The following SPACA3 variants were observed in gnomAD, a reference collection of about 807,000 sequenced individuals.
The protein encoded by SPACA3 is sperm acrosome membrane-associated protein 3.
In SPACA3, 21 loss-of-function variants were observed where a neutral mutation model predicts 24.5. That is an observed-to-expected ratio of 0.86 (90% CI 0.61 to 1.24). The LOEUF is 1.24. SPACA3 is among the 50% of genes most tolerant of loss of function. The pLI is 0.00. For missense variants in SPACA3, 278 were observed against 275.5 expected (o/e 1.01, Z -0.06); for synonymous variants, 115 against 106.9 (o/e 1.08, Z -0.47).
chr17:32,992,018 G>T, intron 1 of SPACA3, 46 bp downstream of exon 1: 1 of 1,605,882 alleles, frequency 6.2e-7, no homozygotes, highest in Non-Finnish European at 8.5e-7. Flanking sequence ...CAGGGGCGCT[G>T]GGTTGGTCTG....
rs1037975229 is a variant in SPACA3, at chr17:32,992,686, C to T, written c.34+714C>T. Among the ~76,000 whole-genome samples the T allele has an allele frequency of 2.0e-5, 3 of 152,124 alleles. No homozygotes were observed. The East Asian group carries it at 5.8e-4, about 29-fold the overall frequency. The stretch of plus-strand genomic sequence containing the variant: ...ACTGGGGAACACACCTCTGATAAGA[C>T]CCTTCAAGTATGAGTCAGAGTTAAC... On this transcript the variant is annotated intron_variant, in intron 1 of 4. Transcript: ENST00000269053.
intron 1 of SPACA3, among the ~76,000 whole-genome samples, chr17:32,994,245 T>G (rs1377819207): frequency 1.3e-5 from 2 of 152,178 alleles, no homozygotes; most frequent in Non-Finnish European, 1.5e-5. Flanking sequence ...AACTCACTTA[T>G]TTTTAGTGCC....
At position 32,995,529 on chromosome 17, in the gene SPACA3, G is replaced by T. The variant is rs2151128418; in HGVS notation, c.155G>T (p.Gly52Val). 1 of 1,614,230 alleles carries T rather than the reference G, an allele frequency of 6.2e-7. No homozygotes were observed. Among genetic ancestry groups the T allele is most frequent in the Non-Finnish European group, 8.5e-7 (1 of 1,180,032 alleles). The change falls in exon 2 of 5, where the codon GGC becomes GTC. Residue 52 changes from glycine (G) to valine (V), a missense_variant. Physicochemically the swap from Gly to Val is moderately radical, Grantham distance 109. Coordinates refer to ENST00000269053, the MANE Select transcript of SPACA3 (RefSeq NM_173847.5). ...GGTGGTGGCTCCACCTCTGCCGCCGGCATAGAAGCCAGGAGCAGGGCTCTC... is the reference window on the plus strand; with the variant it reads ...GGTGGTGGCTCCACCTCTGCCGCCGTCATAGAAGCCAGGAGCAGGGCTCTC... ...QSGGGSTSAA[G>V]IEARSRALRR...
In SPACA3 at chr17:32,997,370, T is replaced by C. The variant is rs878939137; in HGVS notation, c.503-75T>C. On this transcript the variant is annotated intron_variant, in intron 3 of 4. Transcript: ENST00000269053. ...AGAGAGAGAGAGAGAGACAGACAGATACACACTCACACACACACACACACA... is the reference window on the plus strand; with the variant it reads ...AGAGAGAGAGAGAGAGACAGACAGACACACACTCACACACACACACACACA... 2.1e-3 allele frequency: 2,182 copies of C among 1,052,154 alleles called. 8 individuals are homozygous for C. Among genetic ancestry groups the C allele is most frequent in the Middle Eastern group, 9.0e-3 (43 of 4,762 alleles). 65.2% of individuals were successfully genotyped at this position (1,052,154 alleles called of 1,614,324 possible).
chr17:32,996,874 C>T lies in SPACA3; in HGVS notation c.375C>T (p.Phe125=). The T allele has an allele frequency of 6.2e-7, 1 of 1,607,106 alleles. No individual in the cohort carries two copies. Among genetic ancestry groups the T allele is most frequent in the Non-Finnish European group, 8.5e-7 (1 of 1,176,588 alleles). Residue 125 remains phenylalanine (F), a synonymous_variant, in exon 3 of 5, where the codon TTC becomes TTT. Transcript: ENST00000269053. ...GCCTTGCTTATTTCACAAGCGGTTT[C>T]AACGCAGCTGCTTTGGACTACGAGG... ...WVCLAYFTSG[F]NAAALDYEAD... is the part of the protein sequence containing the mutation.
Position 32,995,711 on chromosome 17 carries a change from G to T in SPACA3, c.337G>T (p.Ala113Ser), listed in dbSNP as rs919105235. 1 of 1,611,550 alleles carries T rather than the reference G, an allele frequency of 6.2e-7. No homozygotes were observed. Among genetic ancestry groups the T allele is most frequent in the African/African-American group, 1.3e-5 (1 of 74,990 alleles). Reference sequence around the variant, plus strand: ...GGACGGATACCGGGGATACAGCCTGGCTGACTGTGAGAACCCCTCTCCCTG... The same window carrying T: ...GGACGGATACCGGGGATACAGCCTGTCTGACTGTGAGAACCCCTCTCCCTG... The part of the protein sequence containing the change: ...GLDGYRGYSL[A>S]DWVCLAYFTS... Residue 113 changes from alanine to serine, a missense_variant, in exon 2 of 5, where the codon GCT (alanine) becomes TCT (serine). Coordinates refer to ENST00000269053, the MANE Select transcript of SPACA3 (RefSeq NM_173847.5).
chr17:32,992,062 G>T (rs2091692986), intron 1 of SPACA3, 90 bp downstream of exon 1: 2 of 1,447,284 alleles, frequency 1.4e-6, no homozygotes, highest in Admixed American at 1.9e-5. Context: ...CAAGGTGGTG[G>T]TTAGGGTGGG....
intron 1 of SPACA3, chr17:32,993,000 A>C (rs774015124): frequency 4.3e-6 from 2 of 469,618 alleles, no homozygotes; most frequent in South Asian, 3.1e-5. Flanking sequence ...GGAAGCCAGG[A>C]TGGAGGTGTG....
At position 32,995,624 on chromosome 17, in the gene SPACA3, T is replaced by A. The variant is rs763518885; in HGVS notation, c.250T>A (p.Ser84Thr). The A allele has an allele frequency of 1.2e-6, 2 of 1,614,156 alleles. No individual in the cohort carries two copies. Among genetic ancestry groups the A allele is most frequent in the Admixed American group, 3.3e-5 (2 of 60,030 alleles). Residue 84 changes from serine to threonine, a missense_variant, in exon 2 of 5, where the codon TCC becomes ACC. By Grantham distance (58) the Ser-to-Thr change is moderately conservative. Coordinates refer to ENST00000269053, the MANE Select transcript of SPACA3 (RefSeq NM_173847.5). ...CTGTCTGCTCAGCTGCCTGCTACCCTCCAGTGAGGCCAAGCTCTACGGTCG... is the reference window on the plus strand; with the variant it reads ...CTGTCTGCTCAGCTGCCTGCTACCCACCAGTGAGGCCAAGCTCTACGGTCG... ...LVCLLSCLLP[S>T]SEAKLYGRCE...
In SPACA3 at chr17:32,996,796, G is replaced by A. The variant is rs200741536; in HGVS notation, c.344-47G>A. 8.9e-4 allele frequency: 1,294 copies of A among 1,458,066 alleles called. 1 individual carries two copies. Among genetic ancestry groups the A allele is most frequent in the Non-Finnish European group, 1.0e-3 (1,111 of 1,099,460 alleles). The allele number at this position is 1,458,066 out of a possible 1,614,324, so 90.3% of individuals were successfully genotyped here. On this transcript the variant is annotated intron_variant, in intron 2 of 4. Transcript: ENST00000269053. ...TGTGCAGTGAGCACCCTGGTCTGGG[G>A]TGGCTGTAACCATCTGACCCCCAGG...
At chr17:32,996,513 A>G (rs1195287762) in intron 2 of SPACA3, among the ~76,000 whole-genome samples, 3 of 150,004 alleles carry the variant, frequency 2.0e-5, no homozygotes, top group Non-Finnish European at 4.4e-5. Flanking sequence ...AAAAAGATTT[A>G]GCACTTGTAG....
Position 32,997,862 on chromosome 17 carries a change from G to C in SPACA3, c.*84G>C, listed in dbSNP as rs1056369326. The stretch of plus-strand genomic sequence containing the variant: ...TGGGAAGACAAGCCAGCGAATAAAG[G>C]ATGGTTGAACGTGAATATGGCTCTC... On this transcript the variant is annotated 3_prime_UTR_variant, in exon 5 of 5. Transcript: ENST00000269053. The C allele has an allele frequency of 7.0e-7, 1 of 1,436,340 alleles. No individual in the cohort carries two copies. Among genetic ancestry groups the C allele is most frequent in the Non-Finnish European group, 9.8e-7 (1 of 1,020,048 alleles). The allele number at this position is 1,436,340 out of a possible 1,614,324, so 89.0% of individuals were successfully genotyped here.
chr17:32,995,917 T>C (rs2091719191), intron 2 of SPACA3, among the ~76,000 whole-genome samples, 200 bp downstream of exon 2: 1 of 152,166 alleles, frequency 6.6e-6, no homozygotes, highest in Non-Finnish European at 1.5e-5. Context: ...GGCAACCAAA[T>C]TGGAGTCACC....
intron 1 of SPACA3, among the ~76,000 whole-genome samples, chr17:32,993,836 G>A (rs142373307): frequency 9.5e-4 from 145 of 152,182 alleles, no homozygotes; most frequent in Non-Finnish European, 1.8e-3. Flanking sequence ...GGAGGGGAAC[G>A]GTGCTAGCGC....
At position 32,995,727 on chromosome 17, in the gene SPACA3, C is replaced by G. The variant is rs1457121015; in HGVS notation, c.343+10C>G. 1 of 1,607,396 alleles carries G rather than the reference C, an allele frequency of 6.2e-7. No individual in the cohort carries two copies. Among genetic ancestry groups the G allele is most frequent in the African/African-American group, 1.3e-5 (1 of 74,924 alleles). ...TACAGCCTGGCTGACTGTGAGAACC[C>G]CTCTCCCTGGCGGGCCCTGACTTCC... On this transcript the variant is annotated intron_variant, in intron 2 of 4. Coordinates refer to ENST00000269053, the MANE Select transcript of SPACA3 (RefSeq NM_173847.5).
chr17:32,997,182 G>A (rs2091727360), intron 3 of SPACA3, among the ~76,000 whole-genome samples, 181 bp downstream of exon 3: 1 of 152,158 alleles, frequency 6.6e-6, no homozygotes, highest in South Asian at 2.1e-4. Context: ...TCTGAATTGG[G>A]GTCCCAGATA....
chr17:32,994,968 C>T (rs1370565866), intron 1 of SPACA3, among the ~76,000 whole-genome samples: 4 of 152,136 alleles, frequency 2.6e-5, no homozygotes, highest in Admixed American at 2.6e-4. Flanking sequence ...GCAGCTTCCC[C>T]TTGAGCGGGC....
chr17:32,993,634 G>A (rs1010108149), intron 1 of SPACA3, among the ~76,000 whole-genome samples: 1 of 152,026 alleles, frequency 6.6e-6, no homozygotes, highest in Non-Finnish European at 1.5e-5. Context: ...GTTTCAGCGC[G>A]CGGTGATGGC....
intron 1 of SPACA3, among the ~76,000 whole-genome samples, chr17:32,993,806 G>A (rs982217337): frequency 2.6e-5 from 4 of 152,074 alleles, no homozygotes; most frequent in African/African-American, 4.8e-5. Context: ...AAGTCTCTAC[G>A]AGCAGGGGAA....
Sources: gnomAD v4.1 joint callset for allele counts (sites outside exome capture counted in the v4.1 genomes callset) on GRCh38, gnomAD v4.1.1 for gene constraint, MANE v1.5 for transcripts, NCBI Gene and HGNC (gene_info 2026-07-23, HGNC 2026-07-21) for gene names.